Variants in LCMT2 observed in about 807,000 individuals in gnomAD.
The protein encoded by LCMT2 is leucine carboxyl methyltransferase 2.
LCMT2 carries 34 observed loss-of-function variants against 42.0 expected under a neutral mutation model. The observed-to-expected ratio is 0.81, with a 90% CI of 0.62 to 1.08. The LOEUF (loss-of-function observed/expected upper bound fraction) is 1.08. Among genes scored for constraint, LCMT2 ranks in the 50% least tolerant of loss-of-function variants. The probability of loss-of-function intolerance (pLI) is 0.00; values close to 1 mark genes in which losing one functional copy is unlikely to be tolerated. For synonymous variants in LCMT2, 445 were observed against 369.5 expected (o/e 1.20, Z -2.34); for missense variants, 1,091 against 889.4 (o/e 1.23, Z -2.88).
In LCMT2 at chr15:43,329,853, C is replaced by T; in HGVS notation, c.637G>A (p.Ala213Thr). The T allele has an allele frequency of 6.2e-7, 1 of 1,613,838 alleles. No individual in the cohort carries two copies. Among genetic ancestry groups the T allele is most frequent in the Non-Finnish European group, 8.5e-7 (1 of 1,180,010 alleles). Residue 213 changes from alanine to threonine, a missense_variant, in exon 1 of 1, where the codon GCC becomes ACC. Physicochemically the swap from Ala to Thr is moderately conservative, Grantham distance 58. Transcript: ENST00000305641. The stretch of plus-strand genomic sequence containing the variant: ...ATCTGCTCATAGACCACGAAAAGGG[C>T]ATTAGGAAAACGCTGGGCTGCCCAG... ...IAWAAQRFPN[A>T]LFVVYEQMRP...
In LCMT2 at chr15:43,330,399, C is replaced by G; in HGVS notation, c.91G>C (p.Gly31Arg). Residue 31 changes from glycine (G) to arginine (R), a missense_variant, in exon 1 of 1, where the codon GGG becomes CGG. Physicochemically the swap from Gly to Arg is moderately radical, Grantham distance 125 (BLOSUM62 -2). Coordinates refer to ENST00000305641, the MANE Select transcript of LCMT2 (RefSeq NM_014793.5). The stretch of plus-strand genomic sequence containing the variant: ...GCGGCAAAGGGGTCCTGCACGTACC[C>G]GCGCGCGGCCAGGGAACGCTTGCTG... The part of the protein sequence containing the change: ...ALSKRSLAAR[G>R]YVQDPFAALL... 6.3e-7 allele frequency: 1 copy of G among 1,579,334 alleles called. No individual in the cohort carries two copies. Among genetic ancestry groups the G allele is most frequent in the Admixed American group, 2.0e-5 (1 of 49,638 alleles).
chr15:43,328,216 C>A lies in LCMT2; in HGVS notation c.*213G>T, dbSNP rs570353106. 1 of 561,274 alleles carries A rather than the reference C, an allele frequency of 1.8e-6. No individual in the cohort carries two copies. Among genetic ancestry groups the A allele is most frequent in the African/African-American group, 1.9e-5 (1 of 53,360 alleles). 34.8% of individuals were successfully genotyped at this position (561,274 alleles called of 1,614,324 possible). ...GAGGCAGACCACTACTCCTCTCGGA[C>A]TGCATGGCCACTGTCTTCAGCTGTT... is the stretch of plus-strand genomic sequence containing the variant. On this transcript the variant is annotated 3_prime_UTR_variant, in exon 1 of 1. Transcript: ENST00000305641.
chr15:43,329,614 G>C lies in LCMT2; in HGVS notation c.876C>G (p.Pro292=), dbSNP rs1186371143. The change falls in exon 1 of 1, where the codon CCC becomes CCG. Residue 292 remains proline (P), a synonymous_variant. Coordinates refer to ENST00000305641, the MANE Select transcript of LCMT2 (RefSeq NM_014793.5). The part of the protein sequence containing the change: ...EERRRVENIE[P]FDEFEEWHLK... The stretch of plus-strand genomic sequence containing the variant: ...GATGCCACTCCTCAAATTCGTCAAA[G>C]GGTTCAATATTTTCCACCCGCCGGC... 1.1e-5 allele frequency: 17 copies of C among 1,614,006 alleles called. No individual in the cohort carries two copies. Among genetic ancestry groups the C allele is most frequent in the African/African-American group, 4.0e-5 (3 of 74,944 alleles).
chr15:43,329,974 C>T lies in LCMT2; in HGVS notation c.516G>A (p.Leu172=). 1 of 1,612,474 alleles carries T rather than the reference C, an allele frequency of 6.2e-7. No homozygotes were observed. ...AGGCTGCGTCGAGCCCCGCGGCGCCCAGGGCCTCCTCCACTCGCTGGAGCT... is the reference window on the plus strand; with the variant it reads ...AGGCTGCGTCGAGCCCCGCGGCGCCTAGGGCCTCCTCCACTCGCTGGAGCT... ...LRQLQRVEEA[L]GAAGLDAASP... Residue 172 remains leucine, a synonymous_variant, in exon 1 of 1, where the codon CTG becomes CTA. Transcript: ENST00000305641.
Position 43,329,958 on chromosome 15 carries a change from C to G in LCMT2, c.532G>C (p.Asp178His). ...AGGAGCAGAGTGGGTGAGGCTGCGT[C>G]GAGCCCCGCGGCGCCCAGGGCCTCC... Reference protein sequence around the residue: ...VEEALGAAGLDAASPTLLLAE... With the variant: ...VEEALGAAGLHAASPTLLLAE... Residue 178 changes from aspartate to histidine, a missense_variant, in exon 1 of 1, where the codon GAC becomes CAC. Physicochemically the swap from Asp to His is moderately conservative, Grantham distance 81. Transcript: ENST00000305641. 1.2e-6 allele frequency: 2 copies of G among 1,612,400 alleles called. No homozygotes were observed. Among genetic ancestry groups the G allele is most frequent in the Non-Finnish European group, 1.7e-6 (2 of 1,179,774 alleles).
chr15:43,329,087 T>G lies in LCMT2; in HGVS notation c.1403A>C (p.Lys468Thr). 1 of 1,614,114 alleles carries G rather than the reference T, an allele frequency of 6.2e-7. No individual in the cohort carries two copies. The highest frequency in any genetic ancestry group is 8.5e-7 in the Non-Finnish European group (1 of 1,180,028). Reference protein sequence around the residue: ...NTEDLKVTITKAGRKDDSTLC... With the variant: ...NTEDLKVTITTAGRKDDSTLC... Reference sequence around the variant, plus strand: ...AGTGGAATCATCCTTTCGGCCAGCCTTTGTTATTGTCACTTTCAGGTCCTC... The same window carrying G: ...AGTGGAATCATCCTTTCGGCCAGCCGTTGTTATTGTCACTTTCAGGTCCTC... The change falls in exon 1 of 1, where the codon AAG becomes ACG. Residue 468 changes from lysine to threonine, a missense_variant. Physicochemically the swap from Lys to Thr is moderately conservative, Grantham distance 78 (BLOSUM62 -1). Transcript: ENST00000305641.
At position 43,325,087 on chromosome 15, in the gene LCMT2, CA is replaced by C. The variant is rs1443304494; in HGVS notation, c.*3341del. ...TGGCCTTGAAGAGCATATCCTCCAACAGTTGTTCTTAACCTGTTTTCATCTT... is the reference window on the plus strand; with the variant it reads ...TGGCCTTGAAGAGCATATCCTCCAACGTTGTTCTTAACCTGTTTTCATCTT... On this transcript the variant is annotated 3_prime_UTR_variant, in exon 1 of 1. Coordinates refer to ENST00000305641, the MANE Select transcript of LCMT2 (RefSeq NM_014793.5). 6.6e-6 allele frequency: 1 copy of C among 152,172 alleles called. No individual in the cohort carries two copies. The highest frequency in any genetic ancestry group is 2.4e-5 in the African/African-American group (1 of 41,432). The allele number at this position is 152,172 out of a possible 1,614,324, so 9.4% of individuals were successfully genotyped here.
chr15:43,326,177 T>C lies in LCMT2; in HGVS notation c.*2252A>G, dbSNP rs1236996311. ...GTGCTGGGATCAAGGCATGTGCCAC[T>C]GCGCCTGGCCTCATCACAGTGTTCT... On this transcript the variant is annotated 3_prime_UTR_variant, in exon 1 of 1. Coordinates refer to ENST00000305641, the MANE Select transcript of LCMT2 (RefSeq NM_014793.5). 2 of 150,758 alleles carry C rather than the reference T, an allele frequency of 1.3e-5. No individual in the cohort carries two copies. The highest frequency in any genetic ancestry group is 3.4e-3 in the Middle Eastern group (1 of 294). The allele number at this position is 150,758 out of a possible 1,614,324, so 9.3% of individuals were successfully genotyped here.
Position 43,329,986 on chromosome 15 carries a change from C to CA in LCMT2, c.503dup (p.Glu169GlyfsTer44), listed in dbSNP as rs776681931. 6.2e-7 allele frequency: 1 copy of CA among 1,612,530 alleles called. No individual in the cohort carries two copies. Among genetic ancestry groups the CA allele is most frequent in the Admixed American group, 1.7e-5 (1 of 60,030 alleles). ...GCCCCGCGGCGCCCAGGGCCTCCTC[C>CA]ACTCGCTGGAGCTGCCGCAAGTCCA... On this transcript the variant is annotated frameshift_variant, in exon 1 of 1. Transcript: ENST00000305641. LOFTEE classifies it high-confidence loss of function.
chr15:43,330,081 C>T lies in LCMT2; in HGVS notation c.409G>A (p.Gly137Arg), dbSNP rs756610916. ...GETPELCALT[G>R]PFERGEPASA... The stretch of plus-strand genomic sequence containing the variant: ...GCGGGCTCCCCCCTCTCGAAAGGCC[C>T]GGTTAACGCGCACAGCTCTGGCGTC... Residue 137 changes from glycine (G) to arginine (R), a missense_variant, in exon 1 of 1, where the codon GGG becomes AGG. Coordinates refer to ENST00000305641, the MANE Select transcript of LCMT2 (RefSeq NM_014793.5). The T allele has an allele frequency of 1.9e-6, 3 of 1,612,172 alleles. No individual in the cohort carries two copies. The highest frequency in any genetic ancestry group is 1.7e-6 in the Non-Finnish European group (2 of 1,179,926).
At position 43,325,958 on chromosome 15, in the gene LCMT2, C is replaced by G. The variant is rs2043115441; in HGVS notation, c.*2471G>C. On this transcript the variant is annotated 3_prime_UTR_variant, in exon 1 of 1. Coordinates refer to ENST00000305641, the MANE Select transcript of LCMT2 (RefSeq NM_014793.5). ...CCAGGCTCAAGTAATCCTCCCACCT[C>G]AGTACCTGAGTAGCTGGGACTACAG... 1 of 151,484 alleles carries G rather than the reference C, an allele frequency of 6.6e-6. No individual in the cohort carries two copies. The highest frequency in any genetic ancestry group is 1.5e-5 in the Non-Finnish European group (1 of 67,976). 9.4% of individuals were successfully genotyped at this position (151,484 alleles called of 1,614,324 possible). A position where few individuals can be genotyped will look rare whatever the true frequency, so the allele number is the denominator to read the frequency against.
Position 43,328,750 on chromosome 15 carries a change from C to T in LCMT2, c.1740G>A (p.Gln580=), listed in dbSNP as rs778990124. 1.1e-5 allele frequency: 17 copies of T among 1,613,690 alleles called. No individual in the cohort carries two copies. The African/African-American group carries it at 2.0e-4, about 19-fold the overall frequency. ...CGFLWESVDI[Q]PPITPRYSHT... ...GGGAGTACCTTGGGGTAATGGGAGGCTGGATGTCTACTGACTCCCAGAGGA... is the reference window on the plus strand; with the variant it reads ...GGGAGTACCTTGGGGTAATGGGAGGTTGGATGTCTACTGACTCCCAGAGGA... The change falls in exon 1 of 1, where the codon CAG becomes CAA. Residue 580 remains glutamine, a synonymous_variant. Transcript: ENST00000305641.
chr15:43,330,398 C>T lies in LCMT2; in HGVS notation c.92G>A (p.Gly31Glu). 6.3e-7 allele frequency: 1 copy of T among 1,579,664 alleles called. No homozygotes were observed. The highest frequency in any genetic ancestry group is 1.2e-5 in the South Asian group (1 of 86,188). Reference protein sequence around the residue: ...ALSKRSLAARGYVQDPFAALL... With the variant: ...ALSKRSLAAREYVQDPFAALL... ...CGCGGCAAAGGGGTCCTGCACGTAC[C>T]CGCGCGCGGCCAGGGAACGCTTGCT... Residue 31 changes from glycine (G) to glutamate (E), a missense_variant, in exon 1 of 1, where the codon GGG (glycine) becomes GAG (glutamate). Coordinates refer to ENST00000305641, the MANE Select transcript of LCMT2 (RefSeq NM_014793.5).
rs1444150997 is a variant in LCMT2, at chr15:43,329,049, G to A, written c.1441C>T (p.Arg481Trp). Residue 481 changes from arginine to tryptophan, a missense_variant, in exon 1 of 1, where the codon CGG becomes TGG. Physicochemically the swap from Arg to Trp is moderately radical, Grantham distance 101 (BLOSUM62 -3). Transcript: ENST00000305641. The part of the protein sequence containing the change: ...RKDDSTLCCW[R>W]HSTTEVSCQN... ...CAGGACACTTCTGTTGTTGAATGCC[G>A]CCAACAACACAAAGTGGAATCATCC... 2 of 1,614,080 alleles carry A rather than the reference G, an allele frequency of 1.2e-6. No individual in the cohort carries two copies. The highest frequency in any genetic ancestry group is 1.7e-5 in the Admixed American group (1 of 60,014).
chr15:43,329,027 G>A lies in LCMT2; in HGVS notation c.1463C>T (p.Ser488Phe). ...CCWRHSTTEV[S>F]CQNQEYLFVY... ...AAACAAATATTCCTGATTCTGACAG[G>A]ACACTTCTGTTGTTGAATGCCGCCA... The change falls in exon 1 of 1, where the codon TCC (serine) becomes TTC (phenylalanine). Residue 488 changes from serine (S) to phenylalanine (F), a missense_variant. Coordinates refer to ENST00000305641, the MANE Select transcript of LCMT2 (RefSeq NM_014793.5). The A allele has an allele frequency of 6.2e-7, 1 of 1,614,102 alleles. No individual in the cohort carries two copies. Among genetic ancestry groups the A allele is most frequent in the Non-Finnish European group, 8.5e-7 (1 of 1,180,018 alleles).
rs1324167686 is a variant in LCMT2 at position 43,328,791 on chromosome 15, G to A, written c.1699C>T (p.Pro567Ser). 6.2e-7 allele frequency: 1 copy of A among 1,613,484 alleles called. No individual in the cohort carries two copies. Among genetic ancestry groups the A allele is most frequent in the Non-Finnish European group, 8.5e-7 (1 of 1,180,032 alleles). Residue 567 changes from proline to serine, a missense_variant, in exon 1 of 1, where the codon CCA becomes TCA. Physicochemically the swap from Pro to Ser is moderately conservative, Grantham distance 74. Coordinates refer to ENST00000305641, the MANE Select transcript of LCMT2 (RefSeq NM_014793.5). ...TCCCAGAGGAATCCACAAGAGATTG[G>A]TCTCAGAAAGAGCACAGAGTTCAAT... ...EPLNSVLFLR[P>S]ISCGFLWESV...
chr15:43,328,706 T>C lies in LCMT2; in HGVS notation c.1784A>G (p.Asn595Ser), dbSNP rs761554114. 2.5e-6 allele frequency: 4 copies of C among 1,614,186 alleles called. No individual in the cohort carries two copies. The highest frequency in any genetic ancestry group is 1.1e-5 in the South Asian group (1 of 91,088). ...PRYSHTAHVL[N>S]GKLLLVGGIW... is the part of the protein sequence containing the mutation. Reference sequence around the variant, plus strand: ...CCCTCCAACCAGTAACAGCTTTCCATTGAGCACATGAGCTGTGTGGGAGTA... The same window carrying C: ...CCCTCCAACCAGTAACAGCTTTCCACTGAGCACATGAGCTGTGTGGGAGTA... Residue 595 changes from asparagine (N) to serine (S), a missense_variant, in exon 1 of 1, where the codon AAT becomes AGT. Transcript: ENST00000305641.
rs748611799 is a variant in LCMT2 at position 43,329,220 on chromosome 15, T to C, written c.1270A>G (p.Arg424Gly). ...ACCAGAACCCGACTCTCTGAGAGTC[T>C]TGTCATGGTGTGATAAAGGCGTCCA... The part of the protein sequence containing the change: ...WDGRLYHTMT[R>G]LSESRVLVLG... Residue 424 changes from arginine to glycine, a missense_variant, in exon 1 of 1, where the codon AGA becomes GGA. Transcript: ENST00000305641. The C allele has an allele frequency of 2.5e-5, 40 of 1,613,842 alleles. No homozygotes were observed. Among genetic ancestry groups the C allele is most frequent in the Non-Finnish European group, 3.4e-5 (40 of 1,180,024 alleles).
chr15:43,330,325 G>C lies in LCMT2; in HGVS notation c.165C>G (p.Gly55=). ...TCACGGCGCGTGCGCGGACGTAGTA[G>C]CCTCGGTGAATGAGCGGTGCGCGGC... ...AARRAPLIHR[G]YYVRARAVRH... Residue 55 remains glycine (G), a synonymous_variant, in exon 1 of 1, where the codon GGC becomes GGG. Transcript: ENST00000305641. The C allele has an allele frequency of 6.2e-7, 1 of 1,603,418 alleles. No homozygotes were observed. The highest frequency in any genetic ancestry group is 8.5e-7 in the Non-Finnish European group (1 of 1,178,566).
Sources: gnomAD v4.1 joint callset for allele counts on GRCh38, gnomAD v4.1.1 for gene constraint, MANE v1.5 for transcripts, NCBI Gene and HGNC (gene_info 2026-07-23, HGNC 2026-07-21) for gene names.